GALNT9: variants seen among roughly 807,000 people sequenced by gnomAD.
GALNT9 encodes the protein GalNAc transferase 9.
GALNT9 carries 47 observed loss-of-function variants against 63.1 expected under a neutral mutation model. The observed-to-expected ratio is 0.75, with a 90% CI of 0.59 to 0.95. The LOEUF is 0.95. Among genes scored for constraint, GALNT9 ranks in the 40% least tolerant of loss-of-function variants. GALNT9 has a pLI of 0.00. For synonymous variants in GALNT9, 396 were observed against 365.7 expected (o/e 1.08, Z -0.94); for missense variants, 829 against 874.8 (o/e 0.95, Z 0.66).
At chr12:132,292,566 A>C (rs60546580) in intron 1 of GALNT9, among the ~76,000 whole-genome samples, 60,180 of 152,120 alleles carry the variant, frequency 0.4, 12,467 homozygotes, top group African/African-American at 0.55. Context: ...CTGGGCCCAA[A>C]CCCCTGGCCC....
chr12:132,197,440 A>C (rs1427859042), intron 10 of GALNT9, among the ~76,000 whole-genome samples, 187 bp from the exon 11 acceptor site: 1 of 151,932 alleles, frequency 6.6e-6, no homozygotes, highest in Non-Finnish European at 1.5e-5. Context: ...AGCTTCGAGG[A>C]TTTCCCATCT....
Position 132,306,252 on chromosome 12 carries a change from A to G in GALNT9, c.239-19822T>C, listed in dbSNP as rs536030584. On this transcript the variant is annotated intron_variant, in intron 1 of 10. Transcript: ENST00000328957. ...GGCACCTGCCCGGGCCTCCCCACGG[A>G]GCTGACATAACTGCCGGGGCGTGGC... 2.3e-4 allele frequency among the ~76,000 whole-genome samples: 35 copies of G among 152,352 alleles called. No individual in the cohort carries two copies. In the South Asian group the frequency reaches 6.6e-3, roughly 29 times the overall value.
At position 132,245,923 on chromosome 12, in the gene GALNT9, C is replaced by T. The variant is rs782438927; in HGVS notation, c.1077+1987G>A. Among the ~76,000 whole-genome samples the T allele has an allele frequency of 6.6e-6, 1 of 152,216 alleles. No individual in the cohort carries two copies. The highest frequency in any genetic ancestry group is 1.5e-5 in the Non-Finnish European group (1 of 68,032). On this transcript the variant is annotated intron_variant, in intron 6 of 10. Transcript: ENST00000328957. The surrounding 1 kb of genome is among the most constrained non-coding windows in gnomAD (Gnocchi z 6.3). ...TGGGTGCCCTCCACCCCAGGGGTCC[C>T]GTCCTCCCTCGCTCTTCGGCCTCGG...
At chr12:132,230,525 G>T (rs1877850172) in intron 6 of GALNT9, among the ~76,000 whole-genome samples, 1 of 152,164 alleles carries the variant, frequency 6.6e-6, no homozygotes, top group Non-Finnish European at 1.5e-5. Flanking sequence ...CACTGCCAAG[G>T]CCACGCTGCC....
intron 2 of GALNT9, chr12:132,283,917 C>T (rs1880467158): frequency 6.6e-6 from 1 of 152,156 alleles, no homozygotes; most frequent in African/African-American, 2.4e-5. Flanking sequence ...AAGTTGTGGA[C>T]CGTCAAGGTG....
chr12:132,267,874 C>A (rs190320685), intron 2 of GALNT9, among the ~76,000 whole-genome samples: 2 of 141,084 alleles, frequency 1.4e-5, no homozygotes, highest in South Asian at 2.4e-4. Context: ...ACGCATACAA[C>A]CCACATGCAC....
At chr12:132,317,995 C>G (rs1868601254) in intron 1 of GALNT9, among the ~76,000 whole-genome samples, 1 of 152,220 alleles carries the variant, frequency 6.6e-6, no homozygotes, top group South Asian at 2.1e-4. Context: ...AATCCCAGCA[C>G]TTTGAGAGGC....
chr12:132,278,014 C>T (rs1880175780), intron 2 of GALNT9: 1 of 147,178 alleles, frequency 6.8e-6, no homozygotes, highest in South Asian at 2.3e-4. Context: ...CCCTCACTCC[C>T]ACACCCACCC....
At chr12:132,267,751 ACACTCACACACACATG>A (rs1566006001) in intron 2 of GALNT9, among the ~76,000 whole-genome samples, 1 of 145,590 alleles carries the variant, frequency 6.9e-6, no homozygotes, top group African/African-American at 2.9e-5. Context: ...ACAAGCACAC[ACACTCACACACACATG>A]CACTCACACA....
At position 132,327,357 on chromosome 12, in the gene GALNT9, C is replaced by T. The variant is rs886520642; in HGVS notation, c.238+1609G>A. Among the ~76,000 whole-genome samples, 3 of 151,996 alleles carry T rather than the reference C, an allele frequency of 2.0e-5. No individual in the cohort carries two copies. The highest frequency in any genetic ancestry group is 4.4e-5 in the Non-Finnish European group (3 of 67,982). The stretch of plus-strand genomic sequence containing the variant: ...TCCCGCCAATGTCAGCAAAGCGGAT[C>T]ATGGGTCCTGGCTTTTTCCACCACC... On this transcript the variant is annotated intron_variant, in intron 1 of 10. Transcript: ENST00000328957. The surrounding 1 kb of genome is among the most constrained non-coding windows in gnomAD (Gnocchi z 4.3).
chr12:132,279,861 GC>G lies in GALNT9; in HGVS notation c.419+6388del, dbSNP rs1379014865. On this transcript the variant is annotated intron_variant, in intron 2 of 10. Coordinates refer to ENST00000328957, the MANE Select transcript of GALNT9 (RefSeq NM_001122636.2). The surrounding 1 kb of genome is among the most constrained non-coding windows in gnomAD (Gnocchi z 4.1). ...GGTCTCCTGGATCCAATTCCTGGAT[GC>G]CCAGTGTCCGCCAGGTCTCCTGGAT... 2.0e-5 allele frequency: 3 copies of G among 152,064 alleles called. No individual in the cohort carries two copies. Among genetic ancestry groups the G allele is most frequent in the Admixed American group, 2.0e-4 (3 of 15,264 alleles). The allele number at this position is 152,064 out of a possible 1,614,324, so 9.4% of individuals were successfully genotyped here.
At chr12:132,213,334 C>G (rs148197443) in intron 6 of GALNT9, among the ~76,000 whole-genome samples, 221 of 150,720 alleles carry the variant, frequency 1.5e-3, no homozygotes, top group African/African-American at 5.1e-3. Flanking sequence ...TTGGCAACCC[C>G]ACAATTGTGT....
Position 132,329,052 on chromosome 12 carries a change from T to A in GALNT9, c.152A>T (p.His51Leu), listed in dbSNP as rs945384055. Residue 51 changes from histidine to leucine, a missense_variant, in exon 1 of 11, where the codon CAC becomes CTC. Physicochemically the swap from His to Leu is moderately conservative, Grantham distance 99. Coordinates refer to ENST00000328957, the MANE Select transcript of GALNT9 (RefSeq NM_001122636.2). ...GTCCCCCAGCGTGCCCACCTTGGCGTGTCGGCTGCGCACCCGGCGGTCGCC... is the reference window on the plus strand; with the variant it reads ...GTCCCCCAGCGTGCCCACCTTGGCGAGTCGGCTGCGCACCCGGCGGTCGCC... The part of the protein sequence containing the change: ...VSGDRRVRSR[H>L]AKVGTLGDRE... 1.9e-6 allele frequency: 3 copies of A among 1,546,554 alleles called. No individual in the cohort carries two copies. In the African/African-American group the frequency reaches 4.1e-5, roughly 21 times the overall value.
chr12:132,260,933 T>C lies in GALNT9; in HGVS notation c.761+15A>G. The C allele has an allele frequency of 6.6e-7, 1 of 1,518,652 alleles. No homozygotes were observed. The allele number at this position is 1,518,652 out of a possible 1,614,324, so 94.1% of individuals were successfully genotyped here. Reference sequence around the variant, plus strand: ...ACCCGCTGAGACTGGCTGTCCAGCCTGTTCCGGCCCTTACCAGCCCGTGTT... The same window carrying C: ...ACCCGCTGAGACTGGCTGTCCAGCCCGTTCCGGCCCTTACCAGCCCGTGTT... On this transcript the variant is annotated intron_variant, in intron 4 of 10. Transcript: ENST00000328957.
intron 5 of GALNT9, among the ~76,000 whole-genome samples, chr12:132,254,202 A>G (rs1879031168): frequency 6.6e-6 from 1 of 151,952 alleles, no homozygotes. Context: ...TTGTATTTTT[A>G]GTAGAGACAG....
At chr12:132,277,761 G>A (rs1005543085) in intron 2 of GALNT9, 2 of 152,264 alleles carry the variant, frequency 1.3e-5, no homozygotes, top group African/African-American at 4.8e-5. Context: ...AATGGGATTC[G>A]TGCCATACTC....
chr12:132,251,184 A>G (rs553599171), intron 5 of GALNT9, among the ~76,000 whole-genome samples: 38 of 152,206 alleles, frequency 2.5e-4, no homozygotes, highest in Non-Finnish European at 4.4e-4. Context: ...GAGCTTGATT[A>G]TTTACATTTC....
chr12:132,309,826 T>C (rs28472408), intron 1 of GALNT9, among the ~76,000 whole-genome samples: 120,208 of 152,244 alleles, frequency 0.79, 47,654 homozygotes, highest in East Asian at 1. Context: ...AAAGAGACCA[T>C]GCCAGGAGGG....
intron 1 of GALNT9, among the ~76,000 whole-genome samples, chr12:132,294,974 G>C (rs1880999214): frequency 6.6e-6 from 1 of 152,234 alleles, no homozygotes; most frequent in African/African-American, 2.4e-5. Flanking sequence ...CCACCAGGAA[G>C]CAAGGACAAA....
Sources: allele counts gnomAD v4.1 joint callset (sites outside exome capture counted in the v4.1 genomes callset), GRCh38; gene constraint gnomAD v4.1.1; non-coding constraint Gnocchi (gnomAD v3.1); transcripts MANE v1.5; gene names NCBI Gene and HGNC (gene_info 2026-07-23, HGNC 2026-07-21).